The following POLR3A variants were observed in gnomAD, a reference collection of about 807,000 sequenced individuals.
POLR3A encodes DNA-directed RNA polymerase III subunit RPC1.
POLR3A carries 112 observed loss-of-function variants against 152.8 expected under a neutral mutation model. The ratio of observed to expected loss-of-function variants is 0.73; its 90% confidence interval spans 0.63 to 0.86. The LOEUF (loss-of-function observed/expected upper bound fraction) is 0.86. Among genes scored for constraint, POLR3A ranks in the 40% least tolerant of loss-of-function variants. The probability of loss-of-function intolerance (pLI) is 0.00; values close to 1 mark genes in which losing one functional copy is unlikely to be tolerated. For missense variants in POLR3A, 1,385 were observed against 1,743.1 expected, an observed-to-expected ratio of 0.79 and a Z score of 3.66; for synonymous variants, 615 against 652.1, an observed-to-expected ratio of 0.94 and a Z score of 0.87.
At chr10:78,011,865 C>T (rs1214479363) in intron 11 of POLR3A, among the ~76,000 whole-genome samples, 1 of 152,166 alleles carries the variant, frequency 6.6e-6, no homozygotes, top group Non-Finnish European at 1.5e-5. Context: ...GATTCTTCTA[C>T]CCCAAAATCC....
At position 78,029,484 on chromosome 10, in the gene POLR3A, G is replaced by A. The variant is rs1847671613; in HGVS notation, c.-77C>T. 3.4e-6 allele frequency: 5 copies of A among 1,482,718 alleles called. No homozygotes were observed. The highest frequency in any genetic ancestry group is 4.7e-6 in the Non-Finnish European group (5 of 1,065,240). 91.8% of individuals were successfully genotyped at this position (1,482,718 alleles called of 1,614,324 possible). On this transcript the variant is annotated 5_prime_UTR_variant, in exon 1 of 31. Transcript: ENST00000372371. Reference sequence around the variant, plus strand: ...AACGATGCCCCCAGCACCTCCTGGGGCTGCTTCTGGACTCGCCGCTAACAC... The same window carrying A: ...AACGATGCCCCCAGCACCTCCTGGGACTGCTTCTGGACTCGCCGCTAACAC...
intron 26 of POLR3A, among the ~76,000 whole-genome samples, chr10:77,983,221 T>C (rs1847165628): frequency 6.6e-6 from 1 of 152,172 alleles, no homozygotes; most frequent in Non-Finnish European, 1.5e-5. Flanking sequence ...TCATCTCTTC[T>C]GCAAAGGAGC....
Position 78,022,321 on chromosome 10 carries a change from G to C in POLR3A, c.709C>G (p.Leu237Val). The C allele has an allele frequency of 6.2e-7, 1 of 1,614,134 alleles. No individual in the cohort carries two copies. The highest frequency in any genetic ancestry group is 8.5e-7 in the Non-Finnish European group (1 of 1,179,986). ...CCGGCTTCTGGGTTCATCAGAAGTA[G>C]AGGAACATCTTCAGCTGGGATTCGT... is the stretch of plus-strand genomic sequence containing the variant. ...FKRIPAEDVPLLLMNPEAGKP... is the reference protein window; with the variant it reads ...FKRIPAEDVPVLLMNPEAGKP... Residue 237 changes from leucine (L) to valine (V), a missense_variant, in exon 6 of 31, where the codon CTA (leucine) becomes GTA (valine). By Grantham distance (32) the Leu-to-Val change is conservative. Transcript: ENST00000372371.
At chr10:78,011,478 G>A (rs1414972038) in intron 11 of POLR3A, among the ~76,000 whole-genome samples, 6 of 152,092 alleles carry the variant, frequency 3.9e-5, no homozygotes, top group African/African-American at 1.4e-4. Context: ...GGTTTTCTGG[G>A]CCTTTTCACC....
intron 18 of POLR3A, 31 bp downstream of exon 18, chr10:78,000,945 T>C (rs761444850): frequency 1.1e-5 from 12 of 1,109,808 alleles, no homozygotes; most frequent in Non-Finnish European, 1.6e-5. Context: ...TAAGAGATCT[T>C]CACAGTTCTA....
intron 11 of POLR3A, among the ~76,000 whole-genome samples, chr10:78,011,118 T>C (rs7920467): frequency 0.036 from 5,486 of 152,156 alleles, 346 homozygotes; most frequent in African/African-American, 0.13. Flanking sequence ...AAAGTGCTGG[T>C]ATTACAGGCA....
At position 78,025,414 on chromosome 10, in the gene POLR3A, C is replaced by A. The variant is rs3213833; in HGVS notation, c.318+208G>T. ...ACTACTATTGTTATTTTTTTAAGAACACGTATCTACCATCTTCTCAAGGTA... is the reference window on the plus strand; with the variant it reads ...ACTACTATTGTTATTTTTTTAAGAAAACGTATCTACCATCTTCTCAAGGTA... On this transcript the variant is annotated intron_variant, in intron 3 of 30. Transcript: ENST00000372371. 2.0e-3 allele frequency among the ~76,000 whole-genome samples: 303 copies of A among 152,222 alleles called. 9 individuals are homozygous for A. In the East Asian group the frequency reaches 0.051, roughly 25 times the overall value.
chr10:78,003,805 G>A lies in POLR3A; in HGVS notation c.2247+911C>T, dbSNP rs547187739. Among the ~76,000 whole-genome samples the A allele has an allele frequency of 5.3e-5, 8 of 152,142 alleles. No homozygotes were observed. In the South Asian group the frequency reaches 1.7e-3, roughly 32 times the overall value. The stretch of plus-strand genomic sequence containing the variant: ...TAGCTGGGCATGGTGGTGGGCGCCT[G>A]TAATCCCAGCTACTTAGGATGTTGA... On this transcript the variant is annotated intron_variant, in intron 16 of 30. Transcript: ENST00000372371.
chr10:77,986,658 T>C (rs1051714743), intron 21 of POLR3A, among the ~76,000 whole-genome samples: 9 of 152,324 alleles, frequency 5.9e-5, no homozygotes, highest in Non-Finnish European at 8.8e-5. Flanking sequence ...CTTACCTTCA[T>C]TTCAAAGAAA....
chr10:78,023,325 T>C (rs1847598442), intron 5 of POLR3A, among the ~76,000 whole-genome samples: 1 of 152,050 alleles, frequency 6.6e-6, no homozygotes, highest in African/African-American at 2.4e-5. Context: ...CCGGGCATGG[T>C]GGCGGGCACT....
chr10:78,024,951 C>T lies in POLR3A; in HGVS notation c.490+20G>A, dbSNP rs1564623874. The stretch of plus-strand genomic sequence containing the variant: ...TGAGTGAAAAGGGCTATTGCTTAGC[C>T]TTCTGTGCATTCCACTCACCATTAA... On this transcript the variant is annotated intron_variant, in intron 4 of 30. Transcript: ENST00000372371. 7 of 1,613,674 alleles carry T rather than the reference C, an allele frequency of 4.3e-6. No individual in the cohort carries two copies. Among genetic ancestry groups the T allele is most frequent in the Non-Finnish European group, 5.9e-6 (7 of 1,179,580 alleles).
intron 19 of POLR3A, among the ~76,000 whole-genome samples, chr10:77,995,738 A>G (rs1260445508): frequency 3.9e-5 from 6 of 152,206 alleles, no homozygotes; most frequent in Admixed American, 2.6e-4. Context: ...CACTGTCAAC[A>G]TTAGACAGAA....
Position 78,024,632 on chromosome 10 carries a change from G to T in POLR3A, c.562C>A (p.Pro188Thr). The change falls in exon 5 of 31, where the codon CCC becomes ACC. Residue 188 changes from proline to threonine, a missense_variant. Pro to Thr is a conservative substitution (Grantham distance 38). Around this residue, in one of 7 missense-constraint regions of POLR3A, gnomAD observed 493 missense variants for 647.5 expected, o/e 0.76. Transcript: ENST00000372371. ...GACTGAAGGAAATTTGATACAATGG[G>T]ATCCACCACTTTTTTGTTGGTCTTG... ...KYKTNKKVVD[P>T]IVSNFLQSFE... 1 of 1,613,604 alleles carries T rather than the reference G, an allele frequency of 6.2e-7. No individual in the cohort carries two copies. Among genetic ancestry groups the T allele is most frequent in the Non-Finnish European group, 8.5e-7 (1 of 1,179,560 alleles).
rs369684554 is a variant in POLR3A at position 77,986,055 on chromosome 10, G to T, written c.2988+18C>A. The T allele has an allele frequency of 4.4e-6, 7 of 1,577,856 alleles. No individual in the cohort carries two copies. The African/African-American group carries it at 9.4e-5, about 21-fold the overall frequency. Reference sequence around the variant, plus strand: ...TACAAACAGCTCGGGGTTCTAACGCGTCTTGGAGGGATATTACCTCTGTTG... The same window carrying T: ...TACAAACAGCTCGGGGTTCTAACGCTTCTTGGAGGGATATTACCTCTGTTG... On this transcript the variant is annotated intron_variant, in intron 22 of 30. Transcript: ENST00000372371.
chr10:77,980,225 T>A lies in POLR3A; in HGVS notation c.3940A>T (p.Ser1314Cys). The stretch of plus-strand genomic sequence containing the variant: ...TCAAAGGAGGCCAGCATCAGCACAC[T>A]CTCCTTCATCTTGGCCAGGCCAAAC... ...TRFGLAKMKE[S>C]VLMLASFEKT... Residue 1314 changes from serine to cysteine, a missense_variant, in exon 30 of 31, where the codon AGT becomes TGT. Physicochemically the swap from Ser to Cys is moderately radical, Grantham distance 112. This residue lies in a region of POLR3A where 332 missense variants were observed against 400.1 expected (regional missense o/e 0.83). Coordinates refer to ENST00000372371, the MANE Select transcript of POLR3A (RefSeq NM_007055.4). 6.2e-7 allele frequency: 1 copy of A among 1,613,582 alleles called. No homozygotes were observed.
At chr10:77,992,269 T>C (rs1303955351) in intron 20 of POLR3A, among the ~76,000 whole-genome samples, 1 of 151,768 alleles carries the variant, frequency 6.6e-6, no homozygotes, top group Non-Finnish European at 1.5e-5. Flanking sequence ...CAACTTTTTT[T>C]TTCATCTTTT....
chr10:78,026,394 A>G (rs548736007), intron 1 of POLR3A, among the ~76,000 whole-genome samples, 165 bp from the exon 2 acceptor site: 2 of 152,232 alleles, frequency 1.3e-5, no homozygotes, highest in Admixed American at 6.5e-5. Context: ...CTTCACAAAC[A>G]TCCCTTCATC....
chr10:77,981,289 C>T lies in POLR3A; in HGVS notation c.3891+139G>A, dbSNP rs1847138557. On this transcript the variant is annotated intron_variant, in intron 29 of 30. Coordinates refer to ENST00000372371, the MANE Select transcript of POLR3A (RefSeq NM_007055.4). Reference sequence around the variant, plus strand: ...TGACCAGCATACTTTGGTTTTTGAGCAATGTTCACATCTTATTTTCTCTCT... The same window carrying T: ...TGACCAGCATACTTTGGTTTTTGAGTAATGTTCACATCTTATTTTCTCTCT... 3 of 901,416 alleles carry T rather than the reference C, an allele frequency of 3.3e-6. 1 individual carries two copies. The South Asian group carries it at 3.9e-5, about 12-fold the overall frequency. 55.8% of individuals were successfully genotyped at this position (901,416 alleles called of 1,614,324 possible).
intron 9 of POLR3A, among the ~76,000 whole-genome samples, chr10:78,018,507 A>C (rs1847547503): frequency 6.6e-6 from 1 of 152,050 alleles, no homozygotes; most frequent in Non-Finnish European, 1.5e-5. Context: ...TTGAAAAAAA[A>C]AAAAAAGACA....
Sources: allele counts gnomAD v4.1 joint callset (sites outside exome capture counted in the v4.1 genomes callset), GRCh38; gene constraint gnomAD v4.1.1; regional missense constraint gnomAD v4.1.1; transcripts MANE v1.5; gene names NCBI Gene and HGNC (gene_info 2026-07-23, HGNC 2026-07-21).